Variants in TIAM2 observed in about 807,000 individuals in gnomAD.
TIAM2 encodes the protein TIAM Rac1 associated GEF 2, also known as rho guanine nucleotide exchange factor TIAM2.
Under a neutral mutation model 152.9 loss-of-function variants are expected in TIAM2, and 80 were observed. That is an observed-to-expected ratio of 0.52 (90% CI 0.44 to 0.63). The LOEUF is 0.63. Among genes scored for constraint, TIAM2 ranks in the 30% least tolerant of loss-of-function variants. TIAM2 has a pLI of 0.00. For synonymous variants in TIAM2, 804 were observed against 838.0 expected, an observed-to-expected ratio of 0.96 and a Z score of 0.70; for missense variants, 1,965 against 2,120.1, an observed-to-expected ratio of 0.93 and a Z score of 1.44.
intron 14 of TIAM2, among the ~76,000 whole-genome samples, chr6:155,198,754 G>A (rs17086046): frequency 0.1 from 15,617 of 150,570 alleles, 1,191 homozygotes; most frequent in East Asian, 0.21. Context: ...AGGAATCCTT[G>A]GAACACATCT....
At chr6:155,158,630 C>T (rs556899609) in intron 7 of TIAM2, among the ~76,000 whole-genome samples, 32 of 151,942 alleles carry the variant, frequency 2.1e-4, no homozygotes, top group African/African-American at 6.5e-4. Context: ...TCTCGGCTCA[C>T]TGCAGCCTCA....
chr6:155,085,413 A>G (rs1046414544), intron 1 of TIAM2, among the ~76,000 whole-genome samples: 3 of 152,138 alleles, frequency 2.0e-5, no homozygotes, highest in Admixed American at 2.0e-4. Context: ...ATTGACCTGC[A>G]TTGACAGTTG....
At chr6:155,061,993 TTG>T (rs1777589547) in intron 1 of TIAM2, among the ~76,000 whole-genome samples, 1 of 152,148 alleles carries the variant, frequency 6.6e-6, no homozygotes, top group Non-Finnish European at 1.5e-5. Flanking sequence ...GTCCCTAGAA[TTG>T]TGTCTTTTCT....
chr6:155,171,655 C>T (rs1161389776), intron 9 of TIAM2, among the ~76,000 whole-genome samples: 2 of 152,200 alleles, frequency 1.3e-5, no homozygotes, highest in African/African-American at 4.8e-5. Context: ...TTACTCTTCA[C>T]CACAGTATGG....
chr6:155,090,357 G>A lies in TIAM2; in HGVS notation c.-140G>A, dbSNP rs1322682597. 6.6e-6 allele frequency: 1 copy of A among 152,230 alleles called. No individual in the cohort carries two copies. The highest frequency in any genetic ancestry group is 1.5e-5 in the Non-Finnish European group (1 of 68,040). 9.4% of individuals were successfully genotyped at this position (152,230 alleles called of 1,614,324 possible). On this transcript the variant is annotated 5_prime_UTR_variant, in exon 2 of 27. It adds an upstream start codon to the 5' untranslated region. Transcript: ENST00000682666. ...CTGGATGAATGAATGATTACACTAA[G>A]TGTCCTCCACATTCCTCTGTGGGTA...
rs377049205 is a variant in TIAM2 at position 155,130,172 on chromosome 6, C to T, written c.949C>T (p.Arg317Cys). ...NLGSLSPSGIRLSDEYMGTHA... is the reference protein window; with the variant it reads ...NLGSLSPSGICLSDEYMGTHA... ...GGGGAGCCTCTCCCCCTCAGGTATCCGCCTTTCTGATGAATACATGGGCAC... is the reference window on the plus strand; with the variant it reads ...GGGGAGCCTCTCCCCCTCAGGTATCTGCCTTTCTGATGAATACATGGGCAC... Residue 317 changes from arginine (R) to cysteine (C), a missense_variant, in exon 4 of 27, where the codon CGC becomes TGC. Physicochemically the swap from Arg to Cys is radical, Grantham distance 180 (BLOSUM62 -3). Coordinates refer to ENST00000682666, the MANE Select transcript of TIAM2 (RefSeq NM_012454.4). 29 of 1,614,020 alleles carry T rather than the reference C, an allele frequency of 1.8e-5. No homozygotes were observed. The highest frequency in any genetic ancestry group is 6.7e-5 in the East Asian group (3 of 44,888).
chr6:155,139,305 T>G lies in TIAM2; in HGVS notation c.1630+1693T>G, dbSNP rs528802501. Among the ~76,000 whole-genome samples the G allele has an allele frequency of 9.2e-5, 14 of 152,330 alleles. No individual in the cohort carries two copies. The South Asian group carries it at 2.9e-3, about 32-fold the overall frequency. On this transcript the variant is annotated intron_variant, in intron 5 of 26. Coordinates refer to ENST00000682666, the MANE Select transcript of TIAM2 (RefSeq NM_012454.4). ...CTGGCACCTCTGGTAAAGGAGCACT[T>G]GCAAAGGCATTTCATATCCAAGTGA... is the stretch of plus-strand genomic sequence containing the variant.
chr6:155,220,816 G>A (rs1782015038), intron 15 of TIAM2, among the ~76,000 whole-genome samples: 1 of 152,122 alleles, frequency 6.6e-6, no homozygotes, highest in Non-Finnish European at 1.5e-5. Flanking sequence ...TGCAGAATGT[G>A]CAGGTTTGTT....
chr6:155,156,407 C>A lies in TIAM2; in HGVS notation c.2029-8008C>A, dbSNP rs1780115002. Among the ~76,000 whole-genome samples the A allele has an allele frequency of 6.6e-6, 1 of 152,104 alleles. No homozygotes were observed. The highest frequency in any genetic ancestry group is 2.1e-4 in the South Asian group (1 of 4,826). On this transcript the variant is annotated intron_variant, in intron 7 of 26. Coordinates refer to ENST00000682666, the MANE Select transcript of TIAM2 (RefSeq NM_012454.4). The surrounding 1 kb of genome is among the most constrained non-coding windows in gnomAD (Gnocchi z 4.4). ...CAGTGGCTCATGCCTGTAATCCCAG[C>A]ATTTTGGGAGGCCAAGGTGGGCGGA...
chr6:155,032,098 G>T (rs375138433), intron 1 of TIAM2, among the ~76,000 whole-genome samples: 1 of 94,558 alleles, frequency 1.1e-5, no homozygotes, highest in Non-Finnish European at 2.3e-5. Flanking sequence ...GAAAAAAGGT[G>T]GGAGAGGTCA....
At position 155,168,761 on chromosome 6, in the gene TIAM2, A is replaced by G. The variant is rs895744724; in HGVS notation, c.2361+3352A>G. The G allele has an allele frequency of 7.9e-6, 9 of 1,141,680 alleles. No individual in the cohort carries two copies. The Admixed American group carries it at 8.6e-5, about 11-fold the overall frequency. 70.7% of individuals were successfully genotyped at this position (1,141,680 alleles called of 1,614,324 possible). On this transcript the variant is annotated intron_variant, in intron 9 of 26. Coordinates refer to ENST00000682666, the MANE Select transcript of TIAM2 (RefSeq NM_012454.4). ...CTCTTCTAAAATGTTATAGAACTTTAGTTTTTAAATAATGAAAAAGGGTAG... is the reference window on the plus strand; with the variant it reads ...CTCTTCTAAAATGTTATAGAACTTTGGTTTTTAAATAATGAAAAAGGGTAG...
At chr6:155,248,632 T>C (rs1250483454) in intron 20 of TIAM2, among the ~76,000 whole-genome samples, 4 of 151,580 alleles carry the variant, frequency 2.6e-5, no homozygotes, top group Admixed American at 6.6e-5. Flanking sequence ...AGAGCTCGGC[T>C]TCAAAACCAA....
chr6:155,056,167 C>CTTTTTTTTTT (rs763205169), intron 1 of TIAM2, among the ~76,000 whole-genome samples: 4 of 98,612 alleles, frequency 4.1e-5, no homozygotes, highest in Admixed American at 1.2e-4. Flanking sequence ...TATTGTTCTT[C>CTTTTTTTTTT]TTTTTTTTTT....
At position 155,072,881 on chromosome 6, in the gene TIAM2, G is replaced by A. The variant is rs529544350; in HGVS notation, c.-208-17408G>A. On this transcript the variant is annotated intron_variant, in intron 1 of 26. Coordinates refer to ENST00000682666, the MANE Select transcript of TIAM2 (RefSeq NM_012454.4). ...CGTCAGGGAGCCACTGAAGCCAACA[G>A]AGGACGGAGCCTCAAGAAGTTGCAT... Among the ~76,000 whole-genome samples, 26 of 152,300 alleles carry A rather than the reference G, an allele frequency of 1.7e-4. No homozygotes were observed. The East Asian group carries it at 4.6e-3, about 27-fold the overall frequency.
chr6:155,129,469 A>G lies in TIAM2; in HGVS notation c.246A>G (p.Thr82=), dbSNP rs774927437. 21 of 1,614,110 alleles carry G rather than the reference A, an allele frequency of 1.3e-5. No homozygotes were observed. The highest frequency in any genetic ancestry group is 1.7e-5 in the Non-Finnish European group (20 of 1,180,010). Residue 82 remains threonine (T), a synonymous_variant, in exon 4 of 27, where the codon ACA becomes ACG. Coordinates refer to ENST00000682666, the MANE Select transcript of TIAM2 (RefSeq NM_012454.4). The surrounding 1 kb of genome is among the most constrained non-coding windows in gnomAD (Gnocchi z 4.8). Reference sequence around the variant, plus strand: ...ACGCATCGAGACTCGGTGGCCCCACATGCAAGGTCTCCAGAGGTGTTGCCT... The same window carrying G: ...ACGCATCGAGACTCGGTGGCCCCACGTGCAAGGTCTCCAGAGGTGTTGCCT... ...QPYASRLGGP[T]CKVSRGVAYS... is the part of the protein sequence containing the mutation.
intron 2 of TIAM2, among the ~76,000 whole-genome samples, chr6:155,107,633 G>T (rs1294774463): frequency 1.3e-5 from 2 of 152,172 alleles, no homozygotes; most frequent in Non-Finnish European, 2.9e-5. Flanking sequence ...TTAGCTGAGT[G>T]GGCTATTTGG....
chr6:155,015,968 A>AC (rs1778571701), intron 1 of TIAM2, among the ~76,000 whole-genome samples: 2 of 151,328 alleles, frequency 1.3e-5, no homozygotes, highest in Non-Finnish European at 3.0e-5. Context: ...AAAAAAAAAA[A>AC]AAAAACTCCA....
chr6:155,088,529 A>G (rs1039419322), intron 1 of TIAM2, among the ~76,000 whole-genome samples: 1 of 152,234 alleles, frequency 6.6e-6, no homozygotes, highest in Non-Finnish European at 1.5e-5. Context: ...TTTTATGTGC[A>G]TTATTTCATT....
intron 7 of TIAM2, among the ~76,000 whole-genome samples, chr6:155,154,606 A>C (rs1186134819): frequency 6.6e-6 from 1 of 152,158 alleles, no homozygotes; most frequent in Non-Finnish European, 1.5e-5. Flanking sequence ...TTATTATTTC[A>C]AACAAGTAAA....
Sources: allele counts gnomAD v4.1 joint callset (sites outside exome capture counted in the v4.1 genomes callset), GRCh38; gene constraint gnomAD v4.1.1; non-coding constraint Gnocchi (gnomAD v3.1); transcripts MANE v1.5; gene names NCBI Gene and HGNC (gene_info 2026-07-23, HGNC 2026-07-21).